The following FMN1 variants were observed in gnomAD, a reference collection of about 807,000 sequenced individuals.
FMN1 encodes formin 1.
A neutral mutation model predicts 132.4 loss-of-function variants in FMN1; 110 were observed. The ratio of observed to expected loss-of-function variants is 0.83; its 90% confidence interval spans 0.71 to 0.97. The LOEUF is 0.97. Among genes scored for constraint, FMN1 ranks in the 50% least tolerant of loss-of-function variants. The pLI, the probability that FMN1 is intolerant of heterozygous loss-of-function variation, is 0.00. For synonymous variants in FMN1, 722 were observed against 651.7 expected (o/e 1.11, Z -1.64); for missense variants, 1,792 against 1,705.3 (o/e 1.05, Z -0.90).
intron 17 of FMN1, among the ~76,000 whole-genome samples, chr15:32,842,916 G>A (rs575272016): frequency 2.9e-4 from 44 of 151,700 alleles, no homozygotes; most frequent in African/African-American, 1.1e-3. Flanking sequence ...ACCTGAGGTC[G>A]GGAGATCGGG....
At chr15:33,011,579 GACT>G (rs1184513651) in intron 6 of FMN1, among the ~76,000 whole-genome samples, 20 of 152,040 alleles carry the variant, frequency 1.3e-4, no homozygotes, top group African/African-American at 3.9e-4. Flanking sequence ...TGATAAATTT[GACT>G]ACATTAAAAT....
intron 5 of FMN1, among the ~76,000 whole-genome samples, chr15:33,070,138 T>C (rs2037937546): frequency 6.6e-6 from 1 of 151,400 alleles, no homozygotes; most frequent in Non-Finnish European, 1.5e-5. Context: ...CCTGAGTAGC[T>C]GGAATTACAG....
At chr15:33,074,292 C>T (rs569668528) in intron 5 of FMN1, among the ~76,000 whole-genome samples, 1 of 152,168 alleles carries the variant, frequency 6.6e-6, no homozygotes, top group Non-Finnish European at 1.5e-5. Flanking sequence ...AATATAAAGC[C>T]AAACAAAAGA....
chr15:33,092,571 T>C (rs191537080), intron 4 of FMN1, among the ~76,000 whole-genome samples: 4 of 152,098 alleles, frequency 2.6e-5, no homozygotes, highest in African/African-American at 9.7e-5. Context: ...CTCGGGAGCT[T>C]CGAATGAGAC....
chr15:32,853,271 C>G (rs760856275), intron 17 of FMN1, among the ~76,000 whole-genome samples: 1 of 152,196 alleles, frequency 6.6e-6, no homozygotes, highest in African/African-American at 2.4e-5. Flanking sequence ...GGGCATTCTT[C>G]CTCTCTGATT....
At chr15:32,873,310 G>A (rs1236044699) in intron 16 of FMN1, among the ~76,000 whole-genome samples, 1 of 152,196 alleles carries the variant, frequency 6.6e-6, no homozygotes, top group Admixed American at 6.5e-5. Context: ...TTTGAAAATA[G>A]AGTTGAATAT....
chr15:32,955,826 T>C lies in FMN1; in HGVS notation c.3138+8281A>G, dbSNP rs547671976. Reference sequence around the variant, plus strand: ...GTGCGTGTGCGTGTGTGTGTGTGTGTGCGTGCGCGCACGTGTCTGTGTGTG... The same window carrying C: ...GTGCGTGTGCGTGTGTGTGTGTGTGCGCGTGCGCGCACGTGTCTGTGTGTG... On this transcript the variant is annotated intron_variant, in intron 9 of 20. Transcript: ENST00000616417. Among the ~76,000 whole-genome samples, 58 of 149,450 alleles carry C rather than the reference T, an allele frequency of 3.9e-4. 1 individual carries two copies. Among genetic ancestry groups the C allele is most frequent in the South Asian group, 3.4e-3 (16 of 4,770 alleles).
At chr15:32,867,681 C>T (rs182981298) in intron 16 of FMN1, among the ~76,000 whole-genome samples, 72 of 152,120 alleles carry the variant, frequency 4.7e-4, no homozygotes, top group Non-Finnish European at 8.4e-4. Context: ...TTAGTAGAGA[C>T]GGGGTTTCAC....
chr15:33,028,689 G>A (rs565823130), intron 6 of FMN1, among the ~76,000 whole-genome samples: 2 of 152,120 alleles, frequency 1.3e-5, no homozygotes, highest in African/African-American at 4.8e-5. Context: ...GAAATGTTCG[G>A]TTTCATCTGG....
chr15:33,122,749 T>G (rs781746374), intron 4 of FMN1, among the ~76,000 whole-genome samples: 1 of 152,166 alleles, frequency 6.6e-6, no homozygotes, highest in Non-Finnish European at 1.5e-5. Flanking sequence ...ATGATGTGTG[T>G]CAACAAAGAT....
intron 6 of FMN1, among the ~76,000 whole-genome samples, chr15:33,024,251 TTTTTTTTTTTTG>T (rs2035563815): frequency 1.5e-5 from 1 of 65,208 alleles, no homozygotes; most frequent in African/African-American, 6.0e-5. Flanking sequence ...TTTTTTTTTT[TTTTTTTTTTTTG>T]AGATGTGGAG....
At chr15:32,992,054 G>C (rs142998522) in intron 7 of FMN1, among the ~76,000 whole-genome samples, 19 of 152,262 alleles carry the variant, frequency 1.2e-4, no homozygotes, top group Admixed American at 3.3e-4. Flanking sequence ...TAAATTCAGA[G>C]TCATAAAACA....
chr15:32,867,540 T>C (rs149715043), intron 16 of FMN1, among the ~76,000 whole-genome samples: 2,906 of 151,928 alleles, frequency 0.019, 86 homozygotes, highest in African/African-American at 0.063. Context: ...GTCTCGCTCT[T>C]TCACCCAGGC....
At chr15:32,798,178 G>GAACACA (rs1555457387) in intron 19 of FMN1, among the ~76,000 whole-genome samples, 4,627 of 147,126 alleles carry the variant, frequency 0.031, 124 homozygotes, top group African/African-American at 0.06. Flanking sequence ...TAAGGAAAAC[G>GAACACA]CACACACACA....
chr15:32,954,093 A>G (rs1025961397), intron 9 of FMN1, among the ~76,000 whole-genome samples: 3 of 152,198 alleles, frequency 2.0e-5, no homozygotes, highest in Non-Finnish European at 4.4e-5. Context: ...AACAACTAAT[A>G]GTTACCTTCA....
intron 8 of FMN1, among the ~76,000 whole-genome samples, chr15:32,966,435 T>C (rs147098600): frequency 3.8e-4 from 58 of 152,156 alleles, no homozygotes; most frequent in African/African-American, 1.3e-3. Context: ...CCTGCCATGG[T>C]GGTCAACTGA....
chr15:32,844,933 C>T (rs2058824025), intron 17 of FMN1, among the ~76,000 whole-genome samples: 2 of 152,182 alleles, frequency 1.3e-5, no homozygotes, highest in Admixed American at 6.5e-5. Context: ...AGAGCTGCCA[C>T]AACTCATTTA....
chr15:33,068,120 G>A, intron 5 of FMN1: 2 of 1,049,930 alleles, frequency 1.9e-6, no homozygotes, highest in South Asian at 2.1e-5. Flanking sequence ...TCTATGCCCA[G>A]AAGCAGCCGA....
At chr15:32,833,801 A>G (rs1393187389) in intron 17 of FMN1, among the ~76,000 whole-genome samples, 1 of 152,250 alleles carries the variant, frequency 6.6e-6, no homozygotes, top group Non-Finnish European at 1.5e-5. Flanking sequence ...CTAAGGGCTT[A>G]AACACATTAA....
Sources: allele counts gnomAD v4.1 joint callset (sites outside exome capture counted in the v4.1 genomes callset), GRCh38; gene constraint gnomAD v4.1.1; transcripts MANE v1.5; gene names NCBI Gene and HGNC (gene_info 2026-07-23, HGNC 2026-07-21).